ABLIM1: variants seen among roughly 807,000 people sequenced by gnomAD.
ABLIM1 encodes actin binding LIM protein 1, also known as actin-binding LIM protein 1.
A neutral mutation model predicts 107.0 loss-of-function variants in ABLIM1; 40 were observed. The observed-to-expected ratio is 0.37, with a 90% confidence interval of 0.29 to 0.49. ABLIM1 has a LOEUF of 0.49. Among genes scored for constraint, ABLIM1 ranks in the 20% least tolerant of loss-of-function variants. ABLIM1 has a pLI of 0.97. For missense variants in ABLIM1, 857 were observed against 1,008.5 expected, an observed-to-expected ratio of 0.85 and a Z score of 2.04; for synonymous variants, 357 against 357.3, an observed-to-expected ratio of 1.00 and a Z score of 0.01.
chr10:114,444,011 TG>T lies in ABLIM1; in HGVS notation c.1933+17del. On this transcript the variant is annotated intron_variant, in intron 17 of 22. Transcript: ENST00000533213. ...GGCTGGCTCTCGAATCAGGGAAGGTTGGGGGTTTGCTGCTTACCTGAGTTGA... is the reference window on the plus strand; with the variant it reads ...GGCTGGCTCTCGAATCAGGGAAGGTTGGGGTTTGCTGCTTACCTGAGTTGA... 1 of 1,589,944 alleles carries T rather than the reference TG, an allele frequency of 6.3e-7. No homozygotes were observed. The highest frequency in any genetic ancestry group is 1.1e-5 in the South Asian group (1 of 87,196).
rs528641859 is a variant in ABLIM1 at position 114,717,356 on chromosome 10, A to G, written c.-213+50705T>C. Among the ~76,000 whole-genome samples, 45 of 152,300 alleles carry G rather than the reference A, an allele frequency of 3.0e-4. No homozygotes were observed. In the South Asian group the frequency reaches 8.1e-3, roughly 27 times the overall value. On this transcript the variant is annotated intron_variant, in intron 1 of 15. Coordinates refer to the ABLIM1 transcript ENST00000651092. Reference sequence around the variant, plus strand: ...CAAATACAAAAACAATAAGACTGAAATCATGTAGGGAGAACACTGGACTAA... The same window carrying G: ...CAAATACAAAAACAATAAGACTGAAGTCATGTAGGGAGAACACTGGACTAA...
intron 4 of ABLIM1, among the ~76,000 whole-genome samples, chr10:114,547,994 C>A (rs1372681594): frequency 6.6e-6 from 1 of 152,182 alleles, no homozygotes; most frequent in Non-Finnish European, 1.5e-5. Context: ...TCATGAACCT[C>A]CGTGGATCTA....
At chr10:114,586,007 CT>C (rs2074146960) in intron 2 of ABLIM1, among the ~76,000 whole-genome samples, 2 of 152,302 alleles carry the variant, frequency 1.3e-5, no homozygotes, top group African/African-American at 4.8e-5. Context: ...TTTCATGCTA[CT>C]TTAAATCAGG....
chr10:114,581,065 A>G (rs1458994056), intron 2 of ABLIM1, among the ~76,000 whole-genome samples: 1 of 152,212 alleles, frequency 6.6e-6, no homozygotes, highest in Non-Finnish European at 1.5e-5. Context: ...TGTGGATGCT[A>G]TGCTCTGGAA....
At chr10:114,785,954 C>G in the ABLIM1 span, among the ~76,000 whole-genome samples, 1 of 152,220 alleles carries the variant, frequency 6.6e-6, no homozygotes, top group African/African-American at 2.4e-5. Flanking sequence ...GACTTGAACT[C>G]CTAATCTCAG....
intron 1 of ABLIM1, among the ~76,000 whole-genome samples, chr10:114,722,422 C>T (rs998015282): frequency 6.6e-6 from 1 of 152,160 alleles, no homozygotes; most frequent in Non-Finnish European, 1.5e-5. Flanking sequence ...TCCCACCAGG[C>T]CCCTCCTTCA....
chr10:114,463,070 T>C (rs1242878534), intron 12 of ABLIM1: 1 of 1,340,460 alleles, frequency 7.5e-7, no homozygotes, highest in Non-Finnish European at 9.9e-7. Context: ...TGAAGTGGTG[T>C]CGGAAAGGGG....
intron 1 of ABLIM1, among the ~76,000 whole-genome samples, chr10:114,754,210 A>C (rs1436139605): frequency 6.6e-6 from 1 of 152,208 alleles, no homozygotes; most frequent in Non-Finnish European, 1.5e-5. Flanking sequence ...GTCATGTCTA[A>C]CTTAGTAGAA....
chr10:114,453,786 G>A (rs2062302261), intron 12 of ABLIM1, among the ~76,000 whole-genome samples: 1 of 152,138 alleles, frequency 6.6e-6, no homozygotes, highest in Admixed American at 6.5e-5. Flanking sequence ...ATGGAGGGGA[G>A]ATTGGGAGCG....
intron 1 of ABLIM1, among the ~76,000 whole-genome samples, chr10:114,699,427 A>T (rs1227150369): frequency 1.3e-5 from 2 of 152,132 alleles, no homozygotes; most frequent in Non-Finnish European, 2.9e-5. Flanking sequence ...ACTTATAATA[A>T]AAAAGAAAGC....
At chr10:114,553,690 C>T (rs1180554008) in intron 4 of ABLIM1, among the ~76,000 whole-genome samples, 1 of 152,230 alleles carries the variant, frequency 6.6e-6, no homozygotes, top group African/African-American at 2.4e-5. Context: ...CCTACAGCTG[C>T]TGTGCCAGCC....
Position 114,731,408 on chromosome 10 carries a change from C to T in ABLIM1, c.-213+36653G>A, listed in dbSNP as rs867462636. On this transcript the variant is annotated intron_variant, in intron 1 of 15. Coordinates refer to the ABLIM1 transcript ENST00000651092. ...CTGCGTGCCTCGGCCTCCCAAAGTGCCAGGACTATGGGCATGAGCCACCAT... is the reference window on the plus strand; with the variant it reads ...CTGCGTGCCTCGGCCTCCCAAAGTGTCAGGACTATGGGCATGAGCCACCAT... Among the ~76,000 whole-genome samples, 20 of 151,620 alleles carry T rather than the reference C, an allele frequency of 1.3e-4. 1 individual carries two copies. Among genetic ancestry groups the T allele is most frequent in the African/African-American group, 4.9e-4 (20 of 41,204 alleles).
intron 1 of ABLIM1, among the ~76,000 whole-genome samples, chr10:114,684,070 G>C (rs2080861569): frequency 6.6e-6 from 1 of 152,058 alleles, no homozygotes; most frequent in South Asian, 2.1e-4. Context: ...TTAACATCCT[G>C]TTATATTAAG....
intron 1 of ABLIM1, among the ~76,000 whole-genome samples, chr10:114,630,020 G>A (rs1319774725): frequency 1.3e-5 from 2 of 152,144 alleles, no homozygotes. Context: ...CCTCTTGGTG[G>A]CCTGTCCAAA....
intron 14 of ABLIM1, chr10:114,449,966 CCAAA>C (rs751318502): frequency 5.5e-6 from 1 of 182,120 alleles, no homozygotes; most frequent in African/African-American, 2.4e-5. Flanking sequence ...CTAATTCCTT[CCAAA>C]CAAATAATCT....
intron 15 of ABLIM1, among the ~76,000 whole-genome samples, chr10:114,447,296 G>A (rs1414620238): frequency 6.6e-6 from 1 of 152,140 alleles, no homozygotes; most frequent in Non-Finnish European, 1.5e-5. Context: ...TCATGAAAAT[G>A]GTAGATGTAA....
chr10:114,595,488 G>A (rs1316190510), intron 2 of ABLIM1, among the ~76,000 whole-genome samples: 4 of 152,120 alleles, frequency 2.6e-5, no homozygotes, highest in Non-Finnish European at 2.9e-5. Context: ...TCACTGGAAC[G>A]ATATGACAGA....
intron 7 of ABLIM1, among the ~76,000 whole-genome samples, chr10:114,491,432 C>T (rs1353631928): frequency 2.0e-5 from 3 of 152,048 alleles, no homozygotes; most frequent in African/African-American, 7.2e-5. Context: ...CTAGAAATTT[C>T]TAGAAATTAT....
At chr10:114,526,760 A>G in intron 6 of ABLIM1, 1 of 985,502 alleles carries the variant, frequency 1.0e-6, no homozygotes, top group Non-Finnish European at 1.2e-6. Flanking sequence ...GAGGCTTTGT[A>G]GATGCCAGAC....
Sources: allele counts gnomAD v4.1 joint callset (sites outside exome capture counted in the v4.1 genomes callset), GRCh38; gene constraint gnomAD v4.1.1; transcripts MANE v1.5; gene names NCBI Gene and HGNC (gene_info 2026-07-23, HGNC 2026-07-21).